MUC7: variants seen among roughly 807,000 people sequenced by gnomAD.
The protein encoded by MUC7 is mucin-7.
In MUC7, 2 loss-of-function variants were observed where a neutral mutation model predicts 2.5. The observed-to-expected ratio is 0.81, with a 90% confidence interval of 0.33 to 2.55. The LOEUF (loss-of-function observed/expected upper bound fraction) is 2.55. Among genes scored for constraint, MUC7 ranks in the 30% most tolerant of loss-of-function variants. MUC7 has a pLI of 0.11. For synonymous variants in MUC7, 133 were observed against 173.4 expected, an observed-to-expected ratio of 0.77 and a Z score of 1.83; for missense variants, 408 against 455.6, an observed-to-expected ratio of 0.90 and a Z score of 0.95.
chr4:70,454,938 C>G (rs2109719326), intron 1 of MUC7, among the ~76,000 whole-genome samples: 1 of 152,242 alleles, frequency 6.6e-6, no homozygotes, highest in South Asian at 2.1e-4. Flanking sequence ...AGCCACAAAA[C>G]TAAGTCCATT....
chr4:70,478,825 T>A (rs148760435), intron 2 of MUC7, among the ~76,000 whole-genome samples: 3 of 135,318 alleles, frequency 2.2e-5, no homozygotes. Flanking sequence ...ACCCCTGTAA[T>A]GGAAAGGATC....
At chr4:70,434,896 G>T (rs975768743) in intron 1 of MUC7, among the ~76,000 whole-genome samples, 5 of 152,024 alleles carry the variant, frequency 3.3e-5, no homozygotes, top group Non-Finnish European at 7.4e-5. Context: ...GAGAGATTCT[G>T]GTATGTTGTG....
intron 1 of MUC7, among the ~76,000 whole-genome samples, chr4:70,432,567 A>G (rs956099419): frequency 6.6e-6 from 1 of 152,062 alleles, no homozygotes; most frequent in African/African-American, 2.4e-5. Context: ...GTCTGTTCGT[A>G]TCTTTTGCCC....
intron 1 of MUC7, among the ~76,000 whole-genome samples, chr4:70,435,441 C>T (rs1326903449): frequency 6.6e-6 from 1 of 152,164 alleles, no homozygotes; most frequent in Non-Finnish European, 1.5e-5. Flanking sequence ...GAATTGATCG[C>T]TTTACCATTA....
upstream of MUC7, among the ~76,000 whole-genome samples, chr4:70,469,991 A>T (rs1002924021): frequency 6.6e-6 from 1 of 152,242 alleles, no homozygotes; most frequent in Non-Finnish European, 1.5e-5. Flanking sequence ...TACAATAGCA[A>T]AGACTTGGAA....
upstream of MUC7, among the ~76,000 whole-genome samples, chr4:70,467,802 C>A (rs1734718765): frequency 6.6e-6 from 1 of 152,084 alleles, no homozygotes; most frequent in Non-Finnish European, 1.5e-5. Flanking sequence ...TAGGACCAGA[C>A]AGATTCACAG....
In MUC7 at chr4:70,433,868, A is replaced by G. The variant is rs189463797; in HGVS notation, c.-93+3181A>G. Among the ~76,000 whole-genome samples, 428 of 152,306 alleles carry G rather than the reference A, an allele frequency of 2.8e-3. 4 individuals carry two copies. The highest frequency in any genetic ancestry group is 0.022 in the Admixed American group (334 of 15,294). On this transcript the variant is annotated intron_variant, in intron 1 of 3. Transcript: ENST00000413702. ...ATAATATTGGCTGTGGGATTGTCAT[A>G]AATAGCTCTTATTAATTTGACATAT...
chr4:70,442,196 T>C (rs72853706), intron 1 of MUC7, among the ~76,000 whole-genome samples: 3,570 of 152,346 alleles, frequency 0.023, 149 homozygotes, highest in African/African-American at 0.08. Context: ...TTTGGGTTCG[T>C]ATATGTACAG....
At chr4:70,435,594 A>G (rs554110914) in intron 1 of MUC7, among the ~76,000 whole-genome samples, 1 of 152,190 alleles carries the variant, frequency 6.6e-6, no homozygotes, top group South Asian at 2.1e-4. Flanking sequence ...ACCTATGTAT[A>G]TCTTTGCATG....
chr4:70,435,526 C>T (rs185344024), intron 1 of MUC7, among the ~76,000 whole-genome samples: 177 of 152,234 alleles, frequency 1.2e-3, no homozygotes, highest in African/African-American at 3.9e-3. Context: ...GATTGCAACC[C>T]CTGCTTTTTC....
chr4:70,443,680 T>C (rs537283123), intron 1 of MUC7, among the ~76,000 whole-genome samples: 2 of 152,256 alleles, frequency 1.3e-5, no homozygotes, highest in Non-Finnish European at 2.9e-5. Context: ...ACCAAGAAGA[T>C]GTGGTACAAA....
At chr4:70,458,294 C>A (rs193058390) in intron 1 of MUC7, among the ~76,000 whole-genome samples, 1 of 151,976 alleles carries the variant, frequency 6.6e-6, no homozygotes, top group Admixed American at 6.6e-5. Context: ...AAAAGAAACC[C>A]TCTTAGCAAC....
chr4:70,435,566 T>A (rs1193688237), intron 1 of MUC7, among the ~76,000 whole-genome samples: 1 of 152,232 alleles, frequency 6.6e-6, no homozygotes, highest in African/African-American at 2.4e-5. Context: ...TAGATCTTCC[T>A]CCAACTCTGT....
At chr4:70,434,148 T>G in intron 1 of MUC7, among the ~76,000 whole-genome samples, 1 of 152,200 alleles carries the variant, frequency 6.6e-6, no homozygotes, top group South Asian at 2.1e-4. Flanking sequence ...GATTTTTGCA[T>G]CAATGTTCAT....
intron 1 of MUC7, among the ~76,000 whole-genome samples, chr4:70,455,142 T>C (rs1036091069): frequency 3.3e-5 from 5 of 152,192 alleles, no homozygotes; most frequent in African/African-American, 1.2e-4. Flanking sequence ...AATTATTTAT[T>C]CTATGAAAAC....
chr4:70,444,991 G>C (rs1189349207), intron 1 of MUC7, among the ~76,000 whole-genome samples: 1 of 152,176 alleles, frequency 6.6e-6, no homozygotes, highest in Non-Finnish European at 1.5e-5. Flanking sequence ...GGAGGAGGTT[G>C]CACCACTCTA....
At chr4:70,465,133 C>A (rs974696861) in intron 1 of MUC7, among the ~76,000 whole-genome samples, 3 of 152,184 alleles carry the variant, frequency 2.0e-5, no homozygotes, top group African/African-American at 7.2e-5. Flanking sequence ...ATCCAGCAAA[C>A]TCCAGCAGAC....
intron 1 of MUC7, among the ~76,000 whole-genome samples, chr4:70,455,705 T>G (rs1467093668): frequency 6.6e-6 from 1 of 152,160 alleles, no homozygotes; most frequent in Admixed American, 6.5e-5. Flanking sequence ...AAAATCAGGA[T>G]GAATATCTTG....
At chr4:70,465,529 A>T (rs543983957) in intron 1 of MUC7, among the ~76,000 whole-genome samples, 45 of 152,298 alleles carry the variant, frequency 3.0e-4, no homozygotes, top group African/African-American at 1.1e-3. Flanking sequence ...GCTAACTAGA[A>T]TAACCAGTTT....
Sources: allele counts gnomAD v4.1 joint callset (sites outside exome capture counted in the v4.1 genomes callset), GRCh38; gene constraint gnomAD v4.1.1; transcripts MANE v1.5; gene names NCBI Gene and HGNC (gene_info 2026-07-23, HGNC 2026-07-21).